Variants in CFAP46 observed in about 807,000 individuals in gnomAD.
CFAP46 encodes cilia and flagella associated protein 46.
In CFAP46, 245 loss-of-function variants were observed where a neutral mutation model predicts 325.7. That is an observed-to-expected ratio of 0.75 (90% CI 0.68 to 0.84). The LOEUF is 0.84. Among genes scored for constraint, CFAP46 ranks in the 40% least tolerant of loss-of-function variants. The pLI is 0.00. For missense variants in CFAP46, 3,346 were observed against 3,543.0 expected, an observed-to-expected ratio of 0.94 and a Z score of 1.41; for synonymous variants, 1,523 against 1,495.9, an observed-to-expected ratio of 1.02 and a Z score of -0.42.
Position 132,828,236 on chromosome 10 carries a change from G to A in CFAP46, c.7117+5122C>T, listed in dbSNP as rs1185698514. Among the ~76,000 whole-genome samples the A allele has an allele frequency of 1.3e-5, 2 of 152,190 alleles. No individual in the cohort carries two copies. The highest frequency in any genetic ancestry group is 1.9e-4 in the East Asian group (1 of 5,196). On this transcript the variant is annotated intron_variant, in intron 50 of 57. Transcript: ENST00000368586. The surrounding 1 kb of genome is among the most constrained non-coding windows in gnomAD (Gnocchi z 4.9). ...TTGGTAGATGGAGTGGAATGACTGC[G>A]GCATACAACAGGCCTGCTTTAACTT...
chr10:132,941,103 C>G (rs1564807826), intron 3 of CFAP46, 43 bp from the exon 4 acceptor site: 3 of 1,601,478 alleles, frequency 1.9e-6, no homozygotes, highest in Non-Finnish European at 2.6e-6. Context: ...AAATACTGAC[C>G]CCTGCTCACT....
At chr10:132,850,193 A>T (rs1233846100) in intron 41 of CFAP46, 51 bp downstream of exon 41, 1 of 1,530,538 alleles carries the variant, frequency 6.5e-7, no homozygotes, top group Admixed American at 2.0e-5. Flanking sequence ...TTTTTCAGGC[A>T]CGGGTGACTG....
At chr10:132,883,590 G>T (rs555826777) in intron 27 of CFAP46, among the ~76,000 whole-genome samples, 30 of 152,366 alleles carry the variant, frequency 2.0e-4, no homozygotes, top group African/African-American at 7.0e-4. Flanking sequence ...CAGGGCGACC[G>T]TGTGCCCAGC....
chr10:132,824,256 CTGTGTGCTGA>C (rs1591036743), intron 50 of CFAP46, among the ~76,000 whole-genome samples: 1 of 124,610 alleles, frequency 8.0e-6, no homozygotes, highest in East Asian at 2.6e-4. Context: ...CTGATGTGTG[CTGTGTGCTGA>C]TGTGTGCTGT....
chr10:132,917,560 T>TCTCCCC (rs1849659581), intron 16 of CFAP46, among the ~76,000 whole-genome samples: 15 of 152,170 alleles, frequency 9.9e-5, no homozygotes, highest in Admixed American at 9.8e-4. Flanking sequence ...AATGCCGAGG[T>TCTCCCC]ACCATCTCCC....
intron 41 of CFAP46, among the ~76,000 whole-genome samples, chr10:132,848,381 CAG>C (rs898675287): frequency 2.6e-5 from 4 of 152,136 alleles, no homozygotes; most frequent in Admixed American, 2.6e-4. Flanking sequence ...CAGCCACAGG[CAG>C]AGAGAGAGCT....
At position 132,867,330 on chromosome 10, in the gene CFAP46, G is replaced by A. The variant is rs1431438421; in HGVS notation, c.4743+45C>T. ...CCCTGCATGGCCACGAGGCACCGGC[G>A]CCCGCTGGGCTGCGGGTCAGAGGGA... On this transcript the variant is annotated intron_variant, in intron 34 of 57. Transcript: ENST00000368586. The A allele has an allele frequency of 5.2e-6, 8 of 1,528,720 alleles. No homozygotes were observed. The Admixed American group carries it at 6.5e-5, about 12-fold the overall frequency. The allele number at this position is 1,528,720 out of a possible 1,614,324, so 94.7% of individuals were successfully genotyped here.
chr10:132,927,652 G>A (rs1253057237), intron 9 of CFAP46, among the ~76,000 whole-genome samples: 2 of 152,244 alleles, frequency 1.3e-5, no homozygotes, highest in Non-Finnish European at 2.9e-5. Flanking sequence ...CTTCCCACAC[G>A]TTCACGGATC....
At chr10:132,824,184 G>A (rs1316271376) in intron 50 of CFAP46, among the ~76,000 whole-genome samples, 1 of 142,848 alleles carries the variant, frequency 7.0e-6, no homozygotes, top group African/African-American at 2.7e-5. Flanking sequence ...GAGCGCTGAT[G>A]TGTGCTGTGT....
intron 17 of CFAP46, among the ~76,000 whole-genome samples, chr10:132,914,922 T>TC (rs1849613349): frequency 6.6e-6 from 1 of 152,214 alleles, no homozygotes; most frequent in African/African-American, 2.4e-5. Flanking sequence ...AGCGTCTCCC[T>TC]CTTCCTCCCC....
intron 55 of CFAP46, 43 bp from the exon 56 acceptor site, chr10:132,811,074 T>C (rs773334886): frequency 1.3e-6 from 2 of 1,510,858 alleles, no homozygotes; most frequent in Non-Finnish European, 1.8e-6. Flanking sequence ...TGGCCTGACA[T>C]GGGGAGTGGG....
chr10:132,903,537 C>T (rs2135498285), intron 22 of CFAP46, among the ~76,000 whole-genome samples: 1 of 152,342 alleles, frequency 6.6e-6, no homozygotes, highest in Non-Finnish European at 1.5e-5. Context: ...CTCCCTTAGG[C>T]AGAATGCGGA....
intron 25 of CFAP46, among the ~76,000 whole-genome samples, chr10:132,890,349 G>A (rs771112863): frequency 1.4e-4 from 22 of 152,320 alleles, no homozygotes; most frequent in Non-Finnish European, 2.8e-4. Flanking sequence ...ATCACATGCC[G>A]GGTTGTGGAC....
At chr10:132,888,494 T>C (rs182988810) in intron 25 of CFAP46, among the ~76,000 whole-genome samples, 18 of 7,086 alleles carry the variant, frequency 2.5e-3, no homozygotes, top group South Asian at 6.8e-3. Flanking sequence ...CTGCCGCCTG[T>C]ACCCCTGCCG....
chr10:132,847,061 C>T lies in CFAP46; in HGVS notation c.6138G>A (p.Leu2046=). 6.2e-7 allele frequency: 1 copy of T among 1,612,602 alleles called. No individual in the cohort carries two copies. Among genetic ancestry groups the T allele is most frequent in the Non-Finnish European group, 8.5e-7 (1 of 1,179,864 alleles). The stretch of plus-strand genomic sequence containing the variant: ...CAAGGGCCACCTGTAGGCACTGCAG[C>T]AGCACCTCTGACGCCTGAGCCAGGT... ...QQYLAQASEV[L]LQCLQVALGS... The change falls in exon 43 of 58, where the codon CTG becomes CTA. Residue 2046 remains leucine (L), a synonymous_variant. Transcript: ENST00000368586. This position sits in a 1 kb window ranked among gnomAD's most constrained non-coding sequence, Gnocchi z 5.2.
rs752735905 is a variant in CFAP46, at chr10:132,885,802, C to T, written c.3443+19G>A. The T allele has an allele frequency of 1.6e-5, 24 of 1,521,946 alleles. No homozygotes were observed. Among genetic ancestry groups the T allele is most frequent in the African/African-American group, 3.2e-5 (2 of 62,190 alleles). The allele number at this position is 1,521,946 out of a possible 1,614,324, so 94.3% of individuals were successfully genotyped here. ...AGGCGGTGGAGGGAGCACTCACAGG[C>T]GGTGGGGGGAGCACTCACAGGCGGT... On this transcript the variant is annotated intron_variant, in intron 26 of 57. Transcript: ENST00000368586.
At chr10:132,822,023 G>GTGTGC (rs1847855380) in intron 50 of CFAP46, among the ~76,000 whole-genome samples, 1 of 138,858 alleles carries the variant, frequency 7.2e-6, no homozygotes, top group East Asian at 2.2e-4. Flanking sequence ...GATGTGTGCT[G>GTGTGC]TGTGAGTGCT....
At chr10:132,862,336 A>G (rs554616946) in intron 35 of CFAP46, among the ~76,000 whole-genome samples, 1 of 150,862 alleles carries the variant, frequency 6.6e-6, no homozygotes, top group East Asian at 2.0e-4. Context: ...GGCCGGCGAC[A>G]GGGCGGGCAG....
chr10:132,885,057 T>A lies in CFAP46; in HGVS notation c.3627+46A>T, dbSNP rs1030084240. The A allele has an allele frequency of 1.6e-5, 24 of 1,512,568 alleles. No individual in the cohort carries two copies. The African/African-American group carries it at 3.2e-4, about 20-fold the overall frequency. The allele number at this position is 1,512,568 out of a possible 1,614,324, so 93.7% of individuals were successfully genotyped here. A position where few individuals can be genotyped will look rare whatever the true frequency, so the allele number is the denominator to read the frequency against. ...CTGTCCACACGGTTCTCCCTTTCAC[T>A]AAAGGACAAATTTTACCACGTGCAC... On this transcript the variant is annotated intron_variant, in intron 27 of 57. Coordinates refer to ENST00000368586, the MANE Select transcript of CFAP46 (RefSeq NM_001200049.3).
Sources: allele counts gnomAD v4.1 joint callset (sites outside exome capture counted in the v4.1 genomes callset), GRCh38; gene constraint gnomAD v4.1.1; non-coding constraint Gnocchi (gnomAD v3.1); transcripts MANE v1.5; gene names NCBI Gene and HGNC (gene_info 2026-07-23, HGNC 2026-07-21).